ITGBL1: variants seen among roughly 807,000 people sequenced by gnomAD.
ITGBL1 encodes the protein integrin beta-like protein 1.
In ITGBL1, 51 loss-of-function variants were observed where a neutral mutation model predicts 68.5. That is an observed-to-expected ratio of 0.74 (90% CI 0.59 to 0.94). The LOEUF (loss-of-function observed/expected upper bound fraction) is 0.94. Among genes scored for constraint, ITGBL1 ranks in the 40% least tolerant of loss-of-function variants. The pLI, the probability that ITGBL1 is intolerant of heterozygous loss-of-function variation, is 0.00. For missense variants in ITGBL1, 649 were observed against 647.4 expected, an observed-to-expected ratio of 1.00 and a Z score of -0.03; for synonymous variants, 209 against 227.3, an observed-to-expected ratio of 0.92 and a Z score of 0.72.
chr13:101,576,769 G>T (rs1298020902), intron 4 of ITGBL1, among the ~76,000 whole-genome samples: 1 of 152,022 alleles, frequency 6.6e-6, no homozygotes. Flanking sequence ...CAAACTACCT[G>T]GATAAAACAA....
rs1429070257 is a variant in ITGBL1 at position 101,595,641 on chromosome 13, A to C, written c.869-2512A>C. Among the ~76,000 whole-genome samples, 4 of 152,228 alleles carry C rather than the reference A, an allele frequency of 2.6e-5. No homozygotes were observed. In the East Asian group the frequency reaches 7.7e-4, roughly 29 times the overall value. ...TAATAGGGAAATGCAAATCAAAACCACAATGAAATATGACCTCACAACTGT... is the reference window on the plus strand; with the variant it reads ...TAATAGGGAAATGCAAATCAAAACCCCAATGAAATATGACCTCACAACTGT... On this transcript the variant is annotated intron_variant, in intron 6 of 10. Coordinates refer to ENST00000376180, the MANE Select transcript of ITGBL1 (RefSeq NM_004791.3).
intron 2 of ITGBL1, among the ~76,000 whole-genome samples, chr13:101,544,326 C>T (rs541321303): frequency 3.3e-5 from 5 of 152,288 alleles, no homozygotes; most frequent in South Asian, 4.1e-4. Context: ...CACTCCAGAC[C>T]CTGTTTGCCT....
At chr13:101,485,416 A>G (rs981992696) in intron 2 of ITGBL1, among the ~76,000 whole-genome samples, 1 of 152,122 alleles carries the variant, frequency 6.6e-6, no homozygotes, top group South Asian at 2.1e-4. Flanking sequence ...ATATACAAAC[A>G]GCTAACAAAC....
chr13:101,676,283 T>C (rs1157199422), intron 7 of ITGBL1, among the ~76,000 whole-genome samples: 1 of 152,158 alleles, frequency 6.6e-6, no homozygotes, highest in South Asian at 2.1e-4. Context: ...TTGTAAATGA[T>C]ATGATCTTCC....
At chr13:101,661,435 C>A (rs1278762100) in intron 7 of ITGBL1, among the ~76,000 whole-genome samples, 1 of 152,134 alleles carries the variant, frequency 6.6e-6, no homozygotes, top group Non-Finnish European at 1.5e-5. Flanking sequence ...TCTTTTCCAC[C>A]TTTATGGCCT....
At chr13:101,684,226 C>T (rs796278876) in intron 7 of ITGBL1, among the ~76,000 whole-genome samples, 1 of 151,992 alleles carries the variant, frequency 6.6e-6, no homozygotes, top group African/African-American at 2.4e-5. Context: ...TTGGTCTCCA[C>T]TTCCACCAAA....
At chr13:101,673,686 T>G (rs1026008682) in intron 7 of ITGBL1, among the ~76,000 whole-genome samples, 1 of 152,244 alleles carries the variant, frequency 6.6e-6, no homozygotes, top group African/African-American at 2.4e-5. Flanking sequence ...TGTATTTTTC[T>G]TTATAAACTT....
At chr13:101,454,969 C>CA (rs553570224) in intron 2 of ITGBL1, among the ~76,000 whole-genome samples, 5 of 152,086 alleles carry the variant, frequency 3.3e-5, no homozygotes, top group Admixed American at 6.5e-5. Context: ...TGGAAAGGGT[C>CA]AAAAAATTCC....
At chr13:101,517,743 G>A (rs1057210717) in intron 2 of ITGBL1, among the ~76,000 whole-genome samples, 1 of 152,132 alleles carries the variant, frequency 6.6e-6, no homozygotes, top group African/African-American at 2.4e-5. Context: ...GGTTAATCTT[G>A]GCCAATTCAG....
intron 2 of ITGBL1, among the ~76,000 whole-genome samples, chr13:101,505,153 A>C (rs1318336764): frequency 6.6e-6 from 1 of 152,218 alleles, no homozygotes; most frequent in Non-Finnish European, 1.5e-5. Context: ...TCACACAATG[A>C]AAATGTATTT....
intron 7 of ITGBL1, among the ~76,000 whole-genome samples, chr13:101,601,628 A>G (rs1421532538): frequency 6.6e-6 from 1 of 152,122 alleles, no homozygotes; most frequent in Non-Finnish European, 1.5e-5. Context: ...AGATTCTGGT[A>G]TGTTGTGTCT....
At chr13:101,614,774 C>T (rs2031282950) in intron 7 of ITGBL1, among the ~76,000 whole-genome samples, 1 of 152,150 alleles carries the variant, frequency 6.6e-6, no homozygotes, top group Admixed American at 6.5e-5. Context: ...AGAGGCTCCT[C>T]AGGACCAATG....
intron 6 of ITGBL1, among the ~76,000 whole-genome samples, chr13:101,590,819 A>G (rs1386789059): frequency 6.6e-6 from 1 of 152,296 alleles, no homozygotes; most frequent in African/African-American, 2.4e-5. Context: ...ATCATTATTT[A>G]TATAGGCATT....
At chr13:101,643,637 A>G (rs1426524669) in intron 7 of ITGBL1, among the ~76,000 whole-genome samples, 2 of 152,038 alleles carry the variant, frequency 1.3e-5, no homozygotes, top group African/African-American at 4.8e-5. Flanking sequence ...CTCATATGTA[A>G]TCTTTAGTCA....
At chr13:101,634,416 G>C (rs2032097691) in intron 7 of ITGBL1, among the ~76,000 whole-genome samples, 1 of 152,096 alleles carries the variant, frequency 6.6e-6, no homozygotes, top group Admixed American at 6.6e-5. Flanking sequence ...CTTCATAGGA[G>C]ACATAATAAA....
chr13:101,593,397 A>G (rs76641050), intron 6 of ITGBL1, among the ~76,000 whole-genome samples: 4,675 of 152,206 alleles, frequency 0.031, 116 homozygotes, highest in South Asian at 0.099. Flanking sequence ...TGTGATATGC[A>G]TATAATTCAG....
At position 101,452,916 on chromosome 13, in the gene ITGBL1, T is replaced by G; in HGVS notation, c.83T>G (p.Phe28Cys). 1.2e-6 allele frequency: 2 copies of G among 1,614,128 alleles called. No individual in the cohort carries two copies. Among genetic ancestry groups the G allele is most frequent in the Non-Finnish European group, 8.5e-7 (1 of 1,179,956 alleles). Residue 28 changes from phenylalanine to cysteine, a missense_variant, in exon 1 of 11, where the codon TTC (phenylalanine) becomes TGC (cysteine). Coordinates refer to ENST00000376180, the MANE Select transcript of ITGBL1 (RefSeq NM_004791.3). ...GGGTTGTCAGCTGTTCCTCAAAGCT[T>G]CTCGCCATCTCTGAGGTAAGTTTGG... ...FAGLSAVPQS[F>C]SPSLRSWPGA...
At chr13:101,515,976 C>A (rs559552238) in intron 2 of ITGBL1, among the ~76,000 whole-genome samples, 2 of 152,118 alleles carry the variant, frequency 1.3e-5, no homozygotes, top group African/African-American at 4.8e-5. Flanking sequence ...CTCAATTATA[C>A]ACCCACACCT....
chr13:101,523,301 C>G (rs933421597), intron 2 of ITGBL1, among the ~76,000 whole-genome samples: 1 of 152,132 alleles, frequency 6.6e-6, no homozygotes, highest in Admixed American at 6.6e-5. Context: ...ACACAGAAGG[C>G]TTTTCATTTT....
Sources: gnomAD v4.1 joint callset for allele counts (sites outside exome capture counted in the v4.1 genomes callset) on GRCh38, gnomAD v4.1.1 for gene constraint, MANE v1.5 for transcripts, NCBI Gene and HGNC (gene_info 2026-07-23, HGNC 2026-07-21) for gene names.